NCKAP5: variants seen among roughly 807,000 people sequenced by gnomAD.
NCKAP5 encodes nck-associated protein 5.
NCKAP5 carries 92 observed loss-of-function variants against 167.0 expected under a neutral mutation model. That is an observed-to-expected ratio of 0.55 (90% CI 0.47 to 0.66). NCKAP5 has a LOEUF of 0.66. Ranked by LOEUF, NCKAP5 falls within the 30% of genes least tolerant of loss-of-function variation. The pLI is 0.00. For synonymous variants in NCKAP5, 891 were observed against 877.4 expected (o/e 1.02, Z -0.27); for missense variants, 2,378 against 2,315.0 (o/e 1.03, Z -0.56).
chr2:133,523,921 T>TA (rs939524070), intron 2 of NCKAP5, among the ~76,000 whole-genome samples: 2 of 152,086 alleles, frequency 1.3e-5, no homozygotes, highest in African/African-American at 4.8e-5. Context: ...GGGGAACTGT[T>TA]AAAAAACATA....
chr2:133,313,862 T>G (rs955471653), intron 3 of NCKAP5, among the ~76,000 whole-genome samples: 1 of 152,162 alleles, frequency 6.6e-6, no homozygotes, highest in Non-Finnish European at 1.5e-5. Flanking sequence ...GAGTGAAAAG[T>G]CTTAGGACCC....
chr2:132,999,762 T>TCCAACCCCAACCC, intron 6 of NCKAP5, among the ~76,000 whole-genome samples: 1 of 152,190 alleles, frequency 6.6e-6, no homozygotes, highest in Non-Finnish European at 1.5e-5. Context: ...ACCCAAAATC[T>TCCAACCCCAACCC]AGCCCTCTGT....
intron 3 of NCKAP5, among the ~76,000 whole-genome samples, chr2:133,400,408 T>G (rs953240458): frequency 6.6e-5 from 10 of 152,318 alleles, no homozygotes; most frequent in African/African-American, 2.4e-4. Flanking sequence ...GAGATCATCC[T>G]GGATTACTGG....
At chr2:133,070,553 T>A (rs1007047166) in intron 6 of NCKAP5, among the ~76,000 whole-genome samples, 5 of 152,128 alleles carry the variant, frequency 3.3e-5, no homozygotes, top group African/African-American at 1.2e-4. Context: ...CCAGAATCCT[T>A]TGGGGCTGGC....
At chr2:133,584,377 A>G in the NCKAP5 span, among the ~76,000 whole-genome samples, 1 of 152,194 alleles carries the variant, frequency 6.6e-6, no homozygotes, top group Non-Finnish European at 1.5e-5. Flanking sequence ...CTGAAGCCCC[A>G]CTGACAAAGG....
intron 3 of NCKAP5, among the ~76,000 whole-genome samples, chr2:133,422,727 G>T (rs1243582709): frequency 6.6e-6 from 1 of 152,130 alleles, no homozygotes; most frequent in Non-Finnish European, 1.5e-5. Context: ...AATAGAGATA[G>T]ATATGCAGAA....
At chr2:133,069,397 A>G (rs893947412) in intron 6 of NCKAP5, among the ~76,000 whole-genome samples, 31 of 152,304 alleles carry the variant, frequency 2.0e-4, no homozygotes, top group African/African-American at 7.5e-4. Flanking sequence ...CCAGCCAGAG[A>G]TCCCTACTAA....
At chr2:132,842,858 C>T (rs557955243) in intron 11 of NCKAP5, among the ~76,000 whole-genome samples, 3 of 152,014 alleles carry the variant, frequency 2.0e-5, no homozygotes, top group African/African-American at 4.8e-5. Flanking sequence ...TTTTTTCTGT[C>T]TCATGTAAAT....
intron 10 of NCKAP5, among the ~76,000 whole-genome samples, chr2:132,866,366 A>C (rs989172): frequency 0.99 from 151,440 of 152,286 alleles, 75,302 homozygotes; most frequent in East Asian, 1. Flanking sequence ...TTACTGATTT[A>C]ATTCGCACTT....
At chr2:132,965,986 T>G (rs1398201882) in intron 7 of NCKAP5, among the ~76,000 whole-genome samples, 1 of 151,072 alleles carries the variant, frequency 6.6e-6, no homozygotes, top group African/African-American at 2.4e-5. Context: ...CAATAGCTAA[T>G]TAAAACAAAG....
At chr2:132,932,921 CTT>C (rs368871730) in intron 8 of NCKAP5, among the ~76,000 whole-genome samples, 8 of 119,976 alleles carry the variant, frequency 6.7e-5, no homozygotes, top group Non-Finnish European at 1.0e-4. Flanking sequence ...TTATCCTCTA[CTT>C]TTTTTTTTTT....
intron 4 of NCKAP5, among the ~76,000 whole-genome samples, chr2:133,219,530 G>A (rs761631458): frequency 7.9e-5 from 12 of 152,184 alleles, no homozygotes; most frequent in Non-Finnish European, 1.0e-4. Flanking sequence ...TAAGTCCCAC[G>A]ACAGCAAGAG....
chr2:133,213,761 G>A lies in NCKAP5; in HGVS notation c.162C>T (p.Ala54=). Residue 54 remains alanine (A), a synonymous_variant, in exon 5 of 20, where the codon GCC becomes GCT. Coordinates refer to ENST00000409261, the MANE Select transcript of NCKAP5 (RefSeq NM_207363.3). The part of the protein sequence containing the change: ...RSLWREKLAV[A]RLQREVAQRT... Reference sequence around the variant, plus strand: ...TTTGGGCAACTTCTCGCTGTAGTCGGGCCACTGCCAACTTCTCCCTGAAGA... The same window carrying A: ...TTTGGGCAACTTCTCGCTGTAGTCGAGCCACTGCCAACTTCTCCCTGAAGA... The A allele has an allele frequency of 6.2e-7, 1 of 1,613,668 alleles. No individual in the cohort carries two copies. Among genetic ancestry groups the A allele is most frequent in the Non-Finnish European group, 8.5e-7 (1 of 1,179,784 alleles).
chr2:132,758,035 C>T lies in NCKAP5; in HGVS notation c.5128+15781G>A, dbSNP rs141121850. 5.9e-3 allele frequency among the ~76,000 whole-genome samples: 906 copies of T among 152,322 alleles called. 4 individuals carry two copies. Among genetic ancestry groups the T allele is most frequent in the Middle Eastern group, 0.041 (12 of 292 alleles). The stretch of plus-strand genomic sequence containing the variant: ...TCCCCCTTTCCTCCACCAAATCACT[C>T]GCCAATCCCGAAATCCTCCTCCCAA... On this transcript the variant is annotated intron_variant, in intron 16 of 19. Coordinates refer to ENST00000409261, the MANE Select transcript of NCKAP5 (RefSeq NM_207363.3).
chr2:133,237,381 A>T (rs979187282), intron 4 of NCKAP5, among the ~76,000 whole-genome samples: 1 of 152,248 alleles, frequency 6.6e-6, no homozygotes, highest in Admixed American at 6.5e-5. Flanking sequence ...GAATAAAAGG[A>T]TAGCAAAAGA....
intron 6 of NCKAP5, among the ~76,000 whole-genome samples, chr2:133,006,024 A>C (rs1229932887): frequency 6.6e-6 from 1 of 152,142 alleles, no homozygotes; most frequent in Non-Finnish European, 1.5e-5. Flanking sequence ...TGGGAGGCTG[A>C]GGCAGGAGGT....
chr2:132,874,349 C>A (rs999084175), intron 9 of NCKAP5, among the ~76,000 whole-genome samples: 1 of 152,038 alleles, frequency 6.6e-6, no homozygotes, highest in African/African-American at 2.4e-5. Context: ...ACCTTGTGAT[C>A]CACCCGCCTT....
At chr2:133,487,758 G>A (rs1171008106) in intron 3 of NCKAP5, among the ~76,000 whole-genome samples, 1 of 152,146 alleles carries the variant, frequency 6.6e-6, no homozygotes, top group East Asian at 1.9e-4. Context: ...AGGATGGTGA[G>A]AAAGTGGTCT....
chr2:132,849,191 C>A (rs968816473), intron 11 of NCKAP5, among the ~76,000 whole-genome samples: 1 of 151,964 alleles, frequency 6.6e-6, no homozygotes, highest in South Asian at 2.1e-4. Flanking sequence ...AGGGAGAAAA[C>A]CTACTGTCTT....
Sources: gnomAD v4.1 joint callset for allele counts (sites outside exome capture counted in the v4.1 genomes callset) on GRCh38, gnomAD v4.1.1 for gene constraint, MANE v1.5 for transcripts, NCBI Gene and HGNC (gene_info 2026-07-23, HGNC 2026-07-21) for gene names.